LEKR1: variants seen among roughly 807,000 people sequenced by gnomAD.
The protein encoded by LEKR1 is protein LEKR1.
In LEKR1, 59 loss-of-function variants were observed where a neutral mutation model predicts 72.4. The observed-to-expected ratio is 0.82, with a 90% CI of 0.66 to 1.01. The LOEUF is 1.01. Ranked by LOEUF, LEKR1 falls within the 50% of genes least tolerant of loss-of-function variation. The pLI is 0.00. For missense variants in LEKR1, 728 were observed against 759.2 expected (o/e 0.96, Z 0.48); for synonymous variants, 257 against 263.2 (o/e 0.98, Z 0.23).
rs138769321 is a variant in LEKR1, at chr3:157,043,636, C to T, written c.1669-1704C>T. Among the ~76,000 whole-genome samples the T allele has an allele frequency of 4.0e-3, 605 of 152,232 alleles. 3 individuals are homozygous for T. The highest frequency in any genetic ancestry group is 0.011 in the South Asian group (54 of 4,818). On this transcript the variant is annotated intron_variant, in intron 12 of 12. Transcript: ENST00000356539. The stretch of plus-strand genomic sequence containing the variant: ...CAGTGTGAGCTTCAGTGTCTTTATT[C>T]GTCAGATATAATTGTTGGGAGCAGG...
chr3:157,003,484 A>C (rs1018011402), intron 9 of LEKR1, among the ~76,000 whole-genome samples: 2 of 152,178 alleles, frequency 1.3e-5, no homozygotes, highest in African/African-American at 2.4e-5. Context: ...AGGTGTCAGC[A>C]GGGCTGGTTC....
At chr3:156,906,935 G>A (rs186921645) in intron 3 of LEKR1, among the ~76,000 whole-genome samples, 2 of 152,020 alleles carry the variant, frequency 1.3e-5, no homozygotes, top group South Asian at 4.2e-4. Flanking sequence ...AGCTGGAATG[G>A]GCTTCTATTA....
intron 12 of LEKR1, among the ~76,000 whole-genome samples, chr3:157,032,584 A>G (rs990380368): frequency 1.3e-5 from 2 of 152,206 alleles, no homozygotes; most frequent in Admixed American, 1.3e-4. Context: ...TAAAAAAGAT[A>G]TTGGCCAAAG....
chr3:156,945,742 C>A (rs1726618610), intron 6 of LEKR1, among the ~76,000 whole-genome samples: 4 of 151,478 alleles, frequency 2.6e-5, no homozygotes, highest in Non-Finnish European at 3.0e-5. Flanking sequence ...GCACTCTTGT[C>A]AAAAATTAGT....
In LEKR1 at chr3:156,942,768, AAATGTTTACATTTTTACTTAT is replaced by A. The variant is rs1418042315; in HGVS notation, c.745+58_745+78del. The A allele has an allele frequency of 1.3e-5, 10 of 766,426 alleles. No homozygotes were observed. In the Admixed American group the frequency reaches 1.8e-4, roughly 14 times the overall value. 47.5% of individuals were successfully genotyped at this position (766,426 alleles called of 1,614,324 possible). ...TGACTAGTTATATAAGTACATGAAT[AAATGTTTACATTTTTACTTAT>A]AATTACAACAAAATCTTGTTTTAAT... On this transcript the variant is annotated intron_variant, in intron 6 of 12. Coordinates refer to ENST00000356539, the MANE Select transcript of LEKR1 (RefSeq NM_001004316.3).
intron 4 of LEKR1, among the ~76,000 whole-genome samples, chr3:156,923,627 T>A (rs1334629625): frequency 1.3e-5 from 2 of 152,254 alleles, no homozygotes; most frequent in African/African-American, 4.8e-5. Context: ...ATAATGCTGC[T>A]GTAAACATTC....
intron 10 of LEKR1, among the ~76,000 whole-genome samples, chr3:157,016,026 A>G (rs1277082632): frequency 6.6e-6 from 1 of 152,132 alleles, no homozygotes; most frequent in African/African-American, 2.4e-5. Context: ...ATAAAACAAG[A>G]TAGAATAGAC....
At chr3:157,022,734 A>G (rs1733932106) in intron 10 of LEKR1, among the ~76,000 whole-genome samples, 1 of 152,216 alleles carries the variant, frequency 6.6e-6, no homozygotes, top group Non-Finnish European at 1.5e-5. Context: ...CCTGAAATTC[A>G]GAGGAATATC....
chr3:156,946,008 G>A (rs1576876661), intron 6 of LEKR1, among the ~76,000 whole-genome samples: 1 of 151,732 alleles, frequency 6.6e-6, no homozygotes. Flanking sequence ...TATTTTGATA[G>A]TGATTGCATT....
chr3:156,909,669 A>AAAAGG (rs1553800895), intron 3 of LEKR1, among the ~76,000 whole-genome samples: 1 of 145,932 alleles, frequency 6.9e-6, no homozygotes, highest in Non-Finnish European at 1.5e-5. Context: ...AAAAAAAAAA[A>AAAAGG]AAAGAAATCT....
chr3:157,007,566 A>G (rs1410458499), intron 9 of LEKR1, among the ~76,000 whole-genome samples: 1 of 152,186 alleles, frequency 6.6e-6, no homozygotes, highest in Non-Finnish European at 1.5e-5. Flanking sequence ...TGCTATCCAC[A>G]CCTGATTGCT....
chr3:156,835,691 C>T (rs1486759038), intron 2 of LEKR1, among the ~76,000 whole-genome samples: 3 of 152,012 alleles, frequency 2.0e-5, no homozygotes, highest in African/African-American at 7.2e-5. Context: ...CAATTGTAAG[C>T]ATCTGCCATT....
At chr3:156,842,984 T>G (rs1714126232) in intron 2 of LEKR1, among the ~76,000 whole-genome samples, 1 of 152,114 alleles carries the variant, frequency 6.6e-6, no homozygotes, top group Non-Finnish European at 1.5e-5. Context: ...ACAGGTTAAT[T>G]CTGTATGTAT....
At chr3:156,985,234 T>C (rs1730573693) in intron 7 of LEKR1, among the ~76,000 whole-genome samples, 1 of 152,112 alleles carries the variant, frequency 6.6e-6, no homozygotes, top group Admixed American at 6.5e-5. Context: ...AAATATAAAA[T>C]AGGCATAATA....
chr3:156,836,405 GA>G (rs1049349217), intron 2 of LEKR1, among the ~76,000 whole-genome samples: 38 of 147,960 alleles, frequency 2.6e-4, no homozygotes, highest in African/African-American at 8.7e-4. Context: ...CAACCAAGAA[GA>G]AAAAAAAAGC....
In LEKR1 at chr3:157,045,738, G is replaced by T. The variant is rs1485928788; in HGVS notation, c.2067G>T (p.Arg689=). Residue 689 remains arginine (R), a synonymous_variant, in exon 13 of 13, where the codon CGG becomes CGT. Coordinates refer to ENST00000356539, the MANE Select transcript of LEKR1 (RefSeq NM_001004316.3). The part of the protein sequence containing the change: ...QRLAAILRRR[R]SQQ ...TGGCTGCCATTCTTAGGAGAAGGCG[G>T]AGTCAGCAATGATCCAAAATGAGGA... 4 of 1,607,930 alleles carry T rather than the reference G, an allele frequency of 2.5e-6. No individual in the cohort carries two copies. The East Asian group carries it at 6.7e-5, about 27-fold the overall frequency.
chr3:156,992,966 G>A, intron 8 of LEKR1, 108 bp from the exon 9 acceptor site: 1 of 594,160 alleles, frequency 1.7e-6, no homozygotes, highest in Non-Finnish European at 2.7e-6. Context: ...ATTTTTTAAA[G>A]TTACAGTTAT....
intron 2 of LEKR1, among the ~76,000 whole-genome samples, chr3:156,833,142 C>T (rs1712651952): frequency 6.6e-6 from 1 of 152,176 alleles, no homozygotes; most frequent in Non-Finnish European, 1.5e-5. Context: ...GGATCAGAAA[C>T]ATTTCAAACA....
intron 4 of LEKR1, chr3:156,924,364 A>C (rs1724507895): frequency 6.9e-6 from 3 of 435,838 alleles, no homozygotes; most frequent in Non-Finnish European, 1.2e-5. Flanking sequence ...TATTCTGGGT[A>C]TAAGGCCTTT....
Sources: allele counts gnomAD v4.1 joint callset (sites outside exome capture counted in the v4.1 genomes callset), GRCh38; gene constraint gnomAD v4.1.1; transcripts MANE v1.5; gene names NCBI Gene and HGNC (gene_info 2026-07-23, HGNC 2026-07-21).